Variants in ZBTB20 observed in about 807,000 individuals in gnomAD.
ZBTB20 encodes zinc finger and BTB domain containing 20, also known as zinc finger and BTB domain-containing protein 20.
Under a neutral mutation model 56.9 loss-of-function variants are expected in ZBTB20, and 9 were observed. The ratio of observed to expected loss-of-function variants is 0.16; its 90% CI spans 0.10 to 0.28. ZBTB20 has a LOEUF of 0.28. Ranked by LOEUF, ZBTB20 falls within the 10% of genes least tolerant of loss-of-function variation. ZBTB20 has a pLI of 1.00. For missense variants in ZBTB20, 655 were observed against 1,003.0 expected, an observed-to-expected ratio of 0.65 and a Z score of 4.69; for synonymous variants, 417 against 420.7, an observed-to-expected ratio of 0.99 and a Z score of 0.11.
At chr3:115,060,497 C>T (rs1432877666) in intron 2 of ZBTB20, among the ~76,000 whole-genome samples, 2 of 152,088 alleles carry the variant, frequency 1.3e-5, no homozygotes, top group Non-Finnish European at 2.9e-5. Flanking sequence ...CATCACAGGG[C>T]ATTTATGTGA....
At chr3:115,073,687 A>G (rs1041398819) in intron 1 of ZBTB20, among the ~76,000 whole-genome samples, 1 of 151,992 alleles carries the variant, frequency 6.6e-6, no homozygotes, top group Non-Finnish European at 1.5e-5. Context: ...ACTATAAACA[A>G]AGATAAGAGA....
chr3:114,842,062 C>T (rs1169968633), intron 4 of ZBTB20, among the ~76,000 whole-genome samples: 1 of 152,138 alleles, frequency 6.6e-6, no homozygotes, highest in Non-Finnish European at 1.5e-5. Context: ...GACTCTCAAA[C>T]AAAATTATAA....
chr3:114,640,258 C>T (rs2059488617), intron 6 of ZBTB20, among the ~76,000 whole-genome samples: 1 of 152,016 alleles, frequency 6.6e-6, no homozygotes, highest in African/African-American at 2.4e-5. Flanking sequence ...TCCCAACTAC[C>T]AAGCTATCCA....
chr3:115,059,289 A>T (rs975345999), intron 2 of ZBTB20, among the ~76,000 whole-genome samples: 9 of 152,158 alleles, frequency 5.9e-5, no homozygotes, highest in African/African-American at 1.7e-4. Context: ...GTTGAACTTC[A>T]CAAAGTATTA....
intron 11 of ZBTB20, among the ~76,000 whole-genome samples, chr3:114,343,147 A>G (rs2079918985): frequency 6.6e-6 from 1 of 151,994 alleles, no homozygotes; most frequent in Non-Finnish European, 1.5e-5. Flanking sequence ...AAAAGTGAAA[A>G]AAAAAAAAAA....
At chr3:115,145,303 C>CA (rs2084930793) in intron 1 of ZBTB20, among the ~76,000 whole-genome samples, 1 of 152,024 alleles carries the variant, frequency 6.6e-6, no homozygotes, top group South Asian at 2.1e-4. Flanking sequence ...AGCAAAAAAG[C>CA]AAAAAGTAGC....
At chr3:114,435,190 A>G (rs1293859736) in intron 7 of ZBTB20, among the ~76,000 whole-genome samples, 1 of 152,170 alleles carries the variant, frequency 6.6e-6, no homozygotes, top group Non-Finnish European at 1.5e-5. Context: ...TCCTTTTATT[A>G]TCATATGAAA....
At chr3:114,904,903 T>G (rs1285124367) in intron 3 of ZBTB20, among the ~76,000 whole-genome samples, 1 of 151,950 alleles carries the variant, frequency 6.6e-6, no homozygotes, top group Admixed American at 6.6e-5. Flanking sequence ...TGTCTAGACC[T>G]TAGGTCAGAT....
At chr3:115,039,790 G>T (rs960939571) in intron 2 of ZBTB20, among the ~76,000 whole-genome samples, 3 of 152,054 alleles carry the variant, frequency 2.0e-5, no homozygotes, top group Non-Finnish European at 4.4e-5. Context: ...AAAGGTTGGG[G>T]CTTGCGTAGT....
chr3:114,660,703 C>A (rs2060671019), intron 6 of ZBTB20, among the ~76,000 whole-genome samples: 1 of 152,106 alleles, frequency 6.6e-6, no homozygotes, highest in Admixed American at 6.6e-5. Context: ...TGTTCATAAT[C>A]AGCACAACAA....
intron 7 of ZBTB20, among the ~76,000 whole-genome samples, chr3:114,456,077 G>T (rs9856597): frequency 0.68 from 103,686 of 151,904 alleles, 39,043 homozygotes; most frequent in Non-Finnish European, 0.85. Flanking sequence ...CAAATAAGAA[G>T]ATTACTCCAC....
chr3:114,322,785 T>TA lies in ZBTB20; in HGVS notation c.*16219dup, dbSNP rs1023525325. ...TGGCTCTAAATGGAGTTTTTCTGAC[T>TA]AACAAGGCTGACAACTTTCTGAACA... On this transcript the variant is annotated 3_prime_UTR_variant, in exon 12 of 12. Coordinates refer to ENST00000675478, the MANE Select transcript of ZBTB20 (RefSeq NM_001348800.3). The TA allele has an allele frequency of 2.0e-5, 3 of 152,236 alleles. No homozygotes were observed. The highest frequency in any genetic ancestry group is 4.8e-5 in the African/African-American group (2 of 41,462). The allele number at this position is 152,236 out of a possible 1,614,324, so 9.4% of individuals were successfully genotyped here.
At chr3:114,555,990 T>C (rs745419916) in intron 6 of ZBTB20, among the ~76,000 whole-genome samples, 1 of 152,152 alleles carries the variant, frequency 6.6e-6, no homozygotes, top group Non-Finnish European at 1.5e-5. Context: ...TAGGTGTCAT[T>C]GCCTTCCACT....
intron 7 of ZBTB20, among the ~76,000 whole-genome samples, chr3:114,420,519 C>T (rs2089055942): frequency 6.6e-6 from 1 of 152,114 alleles, no homozygotes. Flanking sequence ...AAGGTTGATA[C>T]AGGAGAATGA....
At chr3:114,898,955 A>T (rs2074997330) in intron 4 of ZBTB20, among the ~76,000 whole-genome samples, 1 of 152,120 alleles carries the variant, frequency 6.6e-6, no homozygotes, top group South Asian at 2.1e-4. Flanking sequence ...GCAGCTTTTT[A>T]TTGCATTTAT....
At chr3:115,043,408 A>C (rs546660253) in intron 2 of ZBTB20, among the ~76,000 whole-genome samples, 1 of 151,074 alleles carries the variant, frequency 6.6e-6, no homozygotes, top group Non-Finnish European at 1.5e-5. Flanking sequence ...AAAACTAAAA[A>C]AAAAAAAAAA....
intron 3 of ZBTB20, among the ~76,000 whole-genome samples, chr3:114,915,006 T>A (rs1441927498): frequency 1.3e-5 from 2 of 151,850 alleles, no homozygotes; most frequent in Admixed American, 1.3e-4. Flanking sequence ...TCATCAGGGA[T>A]ATTGGCCTGT....
intron 7 of ZBTB20, among the ~76,000 whole-genome samples, chr3:114,488,676 A>G (rs1317726835): frequency 6.6e-6 from 1 of 152,196 alleles, no homozygotes; most frequent in African/African-American, 2.4e-5. Flanking sequence ...TTAGTAATGC[A>G]TTTTACTTTT....
chr3:114,474,592 T>G (rs2040527427), intron 7 of ZBTB20, among the ~76,000 whole-genome samples: 1 of 152,142 alleles, frequency 6.6e-6, no homozygotes, highest in Non-Finnish European at 1.5e-5. Flanking sequence ...AAAAGCCTAG[T>G]GGACCACTCA....
Sources: allele counts gnomAD v4.1 joint callset (sites outside exome capture counted in the v4.1 genomes callset), GRCh38; gene constraint gnomAD v4.1.1; transcripts MANE v1.5; gene names NCBI Gene and HGNC (gene_info 2026-07-23, HGNC 2026-07-21).